MCPH1: variants seen among roughly 807,000 people sequenced by gnomAD.
The protein encoded by MCPH1 is microcephalin.
MCPH1 carries 104 observed loss-of-function variants against 84.5 expected under a neutral mutation model. That is an observed-to-expected ratio of 1.23 (90% CI 1.05 to 1.45). The LOEUF (loss-of-function observed/expected upper bound fraction) is 1.45. Ranked by LOEUF, MCPH1 falls within the 40% of genes most tolerant of loss-of-function variation. The pLI, the probability that MCPH1 is intolerant of heterozygous loss-of-function variation, is 0.00. For missense variants in MCPH1, 1,498 were observed against 1,005.7 expected (o/e 1.49, Z -6.62); for synonymous variants, 514 against 366.8 (o/e 1.40, Z -4.58).
intron 12 of MCPH1, chr8:6,615,469 G>C (rs568558985): frequency 6.6e-6 from 1 of 152,454 alleles, no homozygotes; most frequent in East Asian, 1.9e-4. Context: ...GGTGATGTGG[G>C]GATGCGTGCA....
chr8:6,616,473 G>A (rs1683580425), intron 12 of MCPH1: 1 of 152,380 alleles, frequency 6.6e-6, no homozygotes, highest in African/African-American at 2.4e-5. Flanking sequence ...TAGATTCGGA[G>A]AGTGTGAGCT....
intron 12 of MCPH1, among the ~76,000 whole-genome samples, chr8:6,595,560 T>A (rs1030814470): frequency 1.3e-5 from 2 of 152,192 alleles, no homozygotes; most frequent in Non-Finnish European, 2.9e-5. Context: ...GCAGGTGGGC[T>A]TCTGCTCCAG....
chr8:6,566,190 T>A (rs1316726902), intron 12 of MCPH1, among the ~76,000 whole-genome samples: 3 of 152,240 alleles, frequency 2.0e-5, no homozygotes, highest in African/African-American at 4.8e-5. Flanking sequence ...TTTTCTGCAA[T>A]CATTTAAAAG....
chr8:6,433,663 C>T (rs1462134565), intron 4 of MCPH1, among the ~76,000 whole-genome samples: 3 of 138,302 alleles, frequency 2.2e-5, no homozygotes, highest in South Asian at 2.4e-4. Flanking sequence ...AAACCTATTT[C>T]GTGATACTCT....
intron 12 of MCPH1, among the ~76,000 whole-genome samples, chr8:6,580,433 G>A (rs1277308693): frequency 6.6e-6 from 1 of 152,162 alleles, no homozygotes; most frequent in African/African-American, 2.4e-5. Context: ...GAGGCGGGCA[G>A]ATCACGAGGC....
intron 12 of MCPH1, among the ~76,000 whole-genome samples, chr8:6,566,873 G>C (rs1826209724): frequency 6.6e-6 from 1 of 150,520 alleles, no homozygotes; most frequent in African/African-American, 2.5e-5. Context: ...GCAAGGCCAT[G>C]GATAGTACAC....
At chr8:6,468,366 T>C (rs1807258433) in intron 9 of MCPH1, among the ~76,000 whole-genome samples, 1 of 152,032 alleles carries the variant, frequency 6.6e-6, no homozygotes, top group African/African-American at 2.4e-5. Context: ...CCTGCACCCT[T>C]CTCCCACACA....
chr8:6,422,582 A>T (rs933927033), intron 3 of MCPH1, among the ~76,000 whole-genome samples: 1 of 152,038 alleles, frequency 6.6e-6, no homozygotes, highest in Admixed American at 6.6e-5. Flanking sequence ...CTCATTCTCT[A>T]TCCCCTTTCT....
chr8:6,457,818 C>CCTTATTA (rs1318183809), intron 9 of MCPH1, among the ~76,000 whole-genome samples: 1 of 152,084 alleles, frequency 6.6e-6, no homozygotes, highest in Non-Finnish European at 1.5e-5. Context: ...CTAATCCAGT[C>CCTTATTA]CTTATTAGTG....
intron 12 of MCPH1, among the ~76,000 whole-genome samples, chr8:6,569,598 C>T (rs1015419421): frequency 6.6e-6 from 1 of 152,126 alleles, no homozygotes; most frequent in Admixed American, 6.5e-5. Context: ...TAGCTTTGGT[C>T]CCTATAACAG....
rs1214837088 is a variant in MCPH1, at chr8:6,648,051, C to G, written c.*5002C>G. Reference sequence around the variant, plus strand: ...GTGCAGGTAGCTAACACTGACCAACCTGCATCTGGTAGTTCATTTAAGGTC... The same window carrying G: ...GTGCAGGTAGCTAACACTGACCAACGTGCATCTGGTAGTTCATTTAAGGTC... On this transcript the variant is annotated 3_prime_UTR_variant, in exon 14 of 14. Coordinates refer to ENST00000344683, the MANE Select transcript of MCPH1 (RefSeq NM_024596.5). 1 of 152,190 alleles carries G rather than the reference C, an allele frequency of 6.6e-6. No homozygotes were observed. Among genetic ancestry groups the G allele is most frequent in the Non-Finnish European group, 1.5e-5 (1 of 68,036 alleles). 9.4% of individuals were successfully genotyped at this position (152,190 alleles called of 1,614,324 possible).
chr8:6,421,449 A>G (rs1389034547), intron 3 of MCPH1, among the ~76,000 whole-genome samples: 2 of 152,198 alleles, frequency 1.3e-5, no homozygotes, highest in South Asian at 2.1e-4. Flanking sequence ...TCAGTGGTCT[A>G]TAGCAGAGAA....
rs372204452 is a variant in MCPH1, at chr8:6,471,514, G to A, written c.1936-6080G>A. On this transcript the variant is annotated intron_variant, in intron 9 of 13. Coordinates refer to ENST00000344683, the MANE Select transcript of MCPH1 (RefSeq NM_024596.5). ...AGCACAGTCGACTGAATTGTTAGGA[G>A]ATACAGGCAGAGGGAGAAGAGAAAG... Among the ~76,000 whole-genome samples, 4 of 152,304 alleles carry A rather than the reference G, an allele frequency of 2.6e-5. No individual in the cohort carries two copies. The South Asian group carries it at 8.3e-4, about 32-fold the overall frequency.
intron 12 of MCPH1, among the ~76,000 whole-genome samples, chr8:6,510,040 A>G (rs1408774021): frequency 6.6e-6 from 1 of 152,204 alleles, no homozygotes; most frequent in East Asian, 1.9e-4. Flanking sequence ...AAGTCGAAAA[A>G]TCTTAAGTTG....
intron 9 of MCPH1, among the ~76,000 whole-genome samples, chr8:6,466,460 A>G (rs375848755): frequency 2.6e-5 from 4 of 152,068 alleles, no homozygotes; most frequent in African/African-American, 9.7e-5. Flanking sequence ...GGCGCGTGCC[A>G]CCACACCTGG....
intron 13 of MCPH1, among the ~76,000 whole-genome samples, chr8:6,634,641 C>G (rs1563221358): frequency 1.3e-5 from 2 of 152,230 alleles, no homozygotes; most frequent in African/African-American, 4.8e-5. Flanking sequence ...CCAGGGACAT[C>G]TTTTCTGATC....
intron 12 of MCPH1, among the ~76,000 whole-genome samples, chr8:6,530,827 C>G (rs1446856848): frequency 6.6e-6 from 1 of 152,152 alleles, no homozygotes; most frequent in Non-Finnish European, 1.5e-5. Context: ...TTTAGGAAGA[C>G]AATGAAAGAA....
chr8:6,491,461 T>G (rs1226399474), intron 11 of MCPH1, among the ~76,000 whole-genome samples: 1 of 150,964 alleles, frequency 6.6e-6, no homozygotes, highest in African/African-American at 2.5e-5. Flanking sequence ...GAACATGTAT[T>G]TTTTTTTCTA....
chr8:6,449,574 G>T (rs535271786), intron 8 of MCPH1, among the ~76,000 whole-genome samples: 39 of 151,972 alleles, frequency 2.6e-4, no homozygotes, highest in South Asian at 2.3e-3. Context: ...CAGAGGTTGC[G>T]GTGAGCCGAG....
Sources: allele counts gnomAD v4.1 joint callset (sites outside exome capture counted in the v4.1 genomes callset), GRCh38; gene constraint gnomAD v4.1.1; transcripts MANE v1.5; gene names NCBI Gene and HGNC (gene_info 2026-07-23, HGNC 2026-07-21).